MED6: variants seen among roughly 807,000 people sequenced by gnomAD.
MED6 encodes the protein mediator of RNA polymerase II transcription subunit 6.
MED6 carries 33 observed loss-of-function variants against 37.5 expected under a neutral mutation model. The ratio of observed to expected loss-of-function variants is 0.88; its 90% CI spans 0.67 to 1.18. The LOEUF is 1.18. Among genes scored for constraint, MED6 ranks in the 50% most tolerant of loss-of-function variants. The pLI is 0.00. For synonymous variants in MED6, 94 were observed against 93.6 expected, an observed-to-expected ratio of 1.00 and a Z score of -0.02; for missense variants, 235 against 290.6, an observed-to-expected ratio of 0.81 and a Z score of 1.39.
chr14:70,587,371 G>A (rs189029206), intron 6 of MED6, among the ~76,000 whole-genome samples: 7 of 152,156 alleles, frequency 4.6e-5, no homozygotes, highest in South Asian at 2.1e-4. Context: ...CCCCAAATAC[G>A]GGAGTCATCA....
At chr14:70,585,917 T>C in intron 6 of MED6, 134 bp from the exon 7 acceptor site, 1 of 646,078 alleles carries the variant, frequency 1.5e-6, no homozygotes, top group East Asian at 3.0e-5. Context: ...TCAAATGACT[T>C]TGTGAAGAAA....
At chr14:70,592,725 C>G (rs533434319) in intron 5 of MED6, 155 bp downstream of exon 5, 1 of 680,900 alleles carries the variant, frequency 1.5e-6, no homozygotes, top group Admixed American at 2.9e-5. Context: ...ATTATTACCA[C>G]ATCTAGTTAC....
At chr14:70,597,013 T>G (rs960095844) in intron 2 of MED6, among the ~76,000 whole-genome samples, 1 of 152,230 alleles carries the variant, frequency 6.6e-6, no homozygotes, top group African/African-American at 2.4e-5. Flanking sequence ...CAAAATGCCA[T>G]GATGCTTCCT....
Position 70,593,355 on chromosome 14 carries a change from T to TA in MED6, c.297dup (p.Ile100TyrfsTer19). 6.2e-7 allele frequency: 1 copy of TA among 1,613,844 alleles called. No homozygotes were observed. Among genetic ancestry groups the TA allele is most frequent in the Non-Finnish European group, 8.5e-7 (1 of 1,179,800 alleles). On this transcript the variant is annotated frameshift_variant, in exon 4 of 8. Coordinates refer to ENST00000256379, the MANE Select transcript of MED6 (RefSeq NM_005466.4). LOFTEE classifies it high-confidence loss of function. The stretch of plus-strand genomic sequence containing the variant: ...GCCTGATAGATCACTCCAGCAATGA[T>TA]ATAGTAATCAGCTAGTGGGATAACT...
Position 70,583,979 on chromosome 14 carries a change from G to T in MED6, c.*834C>A. ...AAAAATAAAATTCCTTTTCTTTATT[G>T]AAAAAAGAAGTATCTACACACAGAA... On this transcript the variant is annotated 3_prime_UTR_variant, in exon 8 of 8. Coordinates refer to ENST00000256379, the MANE Select transcript of MED6 (RefSeq NM_005466.4). The T allele has an allele frequency of 2.3e-6, 1 of 432,596 alleles. No individual in the cohort carries two copies. The highest frequency in any genetic ancestry group is 7.1e-5 in the South Asian group (1 of 14,158). The allele number at this position is 432,596 out of a possible 1,614,324, so 26.8% of individuals were successfully genotyped here.
At chr14:70,596,000 G>A (rs1460380845) in intron 3 of MED6, among the ~76,000 whole-genome samples, 1 of 152,232 alleles carries the variant, frequency 6.6e-6, no homozygotes, top group Non-Finnish European at 1.5e-5. Flanking sequence ...AGTGCTTGAA[G>A]AGTTGTCCTT....
In MED6 at chr14:70,593,745, G is replaced by A. The variant is rs1366599116; in HGVS notation, c.275-367C>T. Among the ~76,000 whole-genome samples, 50 of 152,202 alleles carry A rather than the reference G, an allele frequency of 3.3e-4. 1 individual carries two copies. Among genetic ancestry groups the A allele is most frequent in the Admixed American group, 3.3e-3 (50 of 15,278 alleles). On this transcript the variant is annotated intron_variant, in intron 3 of 7. Transcript: ENST00000256379. ...TAGATTCTTATTCAGTAGGGATAGT[G>A]CATTTCTAACGAGTTCCCAAAAGAT...
chr14:70,595,260 C>G, intron 3 of MED6: 1 of 547,100 alleles, frequency 1.8e-6, no homozygotes, highest in Non-Finnish European at 3.6e-6. Flanking sequence ...GTAGATACCC[C>G]CAAATCTCAG....
intron 2 of MED6, 59 bp downstream of exon 2, chr14:70,597,559 G>A: frequency 2.2e-6 from 3 of 1,348,174 alleles, no homozygotes; most frequent in Non-Finnish European, 2.9e-6. Context: ...CAGTTTGAAA[G>A]AACTGTTCAT....
intron 6 of MED6, among the ~76,000 whole-genome samples, chr14:70,588,008 T>C (rs182460732): frequency 2.0e-4 from 31 of 152,226 alleles, no homozygotes; most frequent in African/African-American, 7.2e-4. Context: ...CTCGATAAAA[T>C]TGATTAGTAG....
At chr14:70,598,020 G>A (rs1310613149) in intron 1 of MED6, among the ~76,000 whole-genome samples, 1 of 152,140 alleles carries the variant, frequency 6.6e-6, no homozygotes, top group Non-Finnish European at 1.5e-5. Flanking sequence ...TTCTGGCCGG[G>A]TGCGGTGGCT....
chr14:70,588,001 G>A lies in MED6; in HGVS notation c.583-2218C>T, dbSNP rs557388888. ...CTGGGTACCACAAGCCCAACTGCTC[G>A]ATAAAATTGATTAGTAGGAATACCT... On this transcript the variant is annotated intron_variant, in intron 6 of 7. Coordinates refer to ENST00000256379, the MANE Select transcript of MED6 (RefSeq NM_005466.4). Among the ~76,000 whole-genome samples, 10 of 152,278 alleles carry A rather than the reference G, an allele frequency of 6.6e-5. No homozygotes were observed. The East Asian group carries it at 1.5e-3, about 24-fold the overall frequency.
intron 3 of MED6, 45 bp downstream of exon 3, chr14:70,596,566 T>C (rs775135798): frequency 1.4e-6 from 2 of 1,437,820 alleles, no homozygotes; most frequent in Non-Finnish European, 1.9e-6. Flanking sequence ...AAATAAATTA[T>C]GGTATTTTAA....
At chr14:70,595,258 C>T in intron 3 of MED6, 1 of 546,388 alleles carries the variant, frequency 1.8e-6, no homozygotes, top group Admixed American at 1.9e-5. Context: ...AGGTAGATAC[C>T]CCCAAATCTC....
intron 1 of MED6, among the ~76,000 whole-genome samples, chr14:70,598,411 G>A (rs1885108072): frequency 1.3e-5 from 2 of 152,072 alleles, no homozygotes; most frequent in African/African-American, 4.8e-5. Flanking sequence ...AGAGGCGGAG[G>A]TTGCAGTGAG....
At chr14:70,585,974 T>A (rs1884695848) in intron 6 of MED6, among the ~76,000 whole-genome samples, 191 bp from the exon 7 acceptor site, 1 of 152,226 alleles carries the variant, frequency 6.6e-6, no homozygotes, top group Non-Finnish European at 1.5e-5. Flanking sequence ...TTTCTACTTC[T>A]TATTCCCCAT....
At chr14:70,594,992 T>A (rs1884998378) in intron 3 of MED6, 1 of 587,858 alleles carries the variant, frequency 1.7e-6, no homozygotes, top group Non-Finnish European at 3.4e-6. Flanking sequence ...TCAAGTACTG[T>A]GGACAATGCC....
At chr14:70,590,142 C>T (rs1343638896) in intron 6 of MED6, among the ~76,000 whole-genome samples, 2 of 152,182 alleles carry the variant, frequency 1.3e-5, no homozygotes, top group Non-Finnish European at 2.9e-5. Context: ...AGCTGTGTTT[C>T]AAATGCTAAT....
Position 70,584,237 on chromosome 14 carries a change from A to C in MED6, c.*576T>G. On this transcript the variant is annotated 3_prime_UTR_variant, in exon 8 of 8. Transcript: ENST00000256379. Reference sequence around the variant, plus strand: ...TGAAGAAAAAAGTCATGATGAAGCAATATATACAAATACCTTTATTTTGCT... The same window carrying C: ...TGAAGAAAAAAGTCATGATGAAGCACTATATACAAATACCTTTATTTTGCT... 1.4e-6 allele frequency: 1 copy of C among 729,588 alleles called. No homozygotes were observed. Among genetic ancestry groups the C allele is most frequent in the East Asian group, 2.5e-5 (1 of 40,798 alleles). The allele number at this position is 729,588 out of a possible 1,614,324, so 45.2% of individuals were successfully genotyped here.
Sources: allele counts gnomAD v4.1 joint callset (sites outside exome capture counted in the v4.1 genomes callset), GRCh38; gene constraint gnomAD v4.1.1; transcripts MANE v1.5; gene names NCBI Gene and HGNC (gene_info 2026-07-23, HGNC 2026-07-21).